Variants in ADK observed in about 807,000 individuals in gnomAD.
ADK encodes the protein adenosine kinase.
ADK carries 24 observed loss-of-function variants against 44.7 expected under a neutral mutation model. The ratio of observed to expected loss-of-function variants is 0.54; its 90% CI spans 0.39 to 0.76. The LOEUF (loss-of-function observed/expected upper bound fraction) is 0.76, where lower values mean the gene tolerates loss of function less well. Ranked by LOEUF, ADK falls within the 30% of genes least tolerant of loss-of-function variation. The pLI is 0.00. For missense variants in ADK, 321 were observed against 425.1 expected (o/e 0.76, Z 2.15); for synonymous variants, 128 against 142.6 (o/e 0.90, Z 0.73).
At chr10:74,592,984 T>C (rs567004046) in intron 8 of ADK, among the ~76,000 whole-genome samples, 1 of 152,212 alleles carries the variant, frequency 6.6e-6, no homozygotes, top group Non-Finnish European at 1.5e-5. Flanking sequence ...ATAGAACATA[T>C]GCATCATCAC....
chr10:74,519,989 A>G (rs1346860358), intron 6 of ADK, among the ~76,000 whole-genome samples: 2 of 151,878 alleles, frequency 1.3e-5, no homozygotes, highest in Non-Finnish European at 2.9e-5. Flanking sequence ...TTTGATATTT[A>G]CTTCTCTTTT....
intron 3 of ADK, among the ~76,000 whole-genome samples, chr10:74,278,386 A>C (rs1036897428): frequency 5.8e-5 from 8 of 138,218 alleles, no homozygotes; most frequent in Admixed American, 5.7e-4. Flanking sequence ...AAAAAAAAAA[A>C]CAACCCTAAA....
chr10:74,583,073 A>G (rs1222923438), intron 7 of ADK, among the ~76,000 whole-genome samples: 1 of 152,244 alleles, frequency 6.6e-6, no homozygotes, highest in African/African-American at 2.4e-5. Context: ...AAGAAAGTAT[A>G]TAAATGGTTT....
intron 3 of ADK, among the ~76,000 whole-genome samples, chr10:74,237,755 A>G (rs569347071): frequency 1.3e-5 from 2 of 152,278 alleles, no homozygotes; most frequent in South Asian, 4.1e-4. Context: ...CTCCTTATAC[A>G]TCTCCATCAG....
intron 6 of ADK, among the ~76,000 whole-genome samples, chr10:74,401,776 T>C (rs1843724059): frequency 6.6e-6 from 1 of 152,232 alleles, no homozygotes; most frequent in Non-Finnish European, 1.5e-5. Flanking sequence ...AAGTTGATCC[T>C]GTCATTATGA....
intron 6 of ADK, among the ~76,000 whole-genome samples, chr10:74,495,301 T>G (rs1847642834): frequency 6.6e-6 from 1 of 151,860 alleles, no homozygotes; most frequent in Non-Finnish European, 1.5e-5. Flanking sequence ...TTTTTTTTCC[T>G]TTTTTTTCTC....
At chr10:74,261,656 A>C (rs1224557543) in intron 3 of ADK, among the ~76,000 whole-genome samples, 1 of 152,192 alleles carries the variant, frequency 6.6e-6, no homozygotes, top group Non-Finnish European at 1.5e-5. Flanking sequence ...GATTGAAAAT[A>C]ATTATTCCTC....
chr10:74,570,718 A>G (rs996758354), intron 7 of ADK, among the ~76,000 whole-genome samples: 3 of 152,198 alleles, frequency 2.0e-5, no homozygotes, highest in East Asian at 1.9e-4. Flanking sequence ...TAGATATACA[A>G]TCATGTCATC....
At chr10:74,633,108 A>T (rs1352937555) in intron 9 of ADK, among the ~76,000 whole-genome samples, 2 of 152,032 alleles carry the variant, frequency 1.3e-5, no homozygotes, top group Admixed American at 1.3e-4. Context: ...TATATTGGGG[A>T]TGTTTTCTTC....
At chr10:74,518,150 C>A (rs1019615497) in intron 6 of ADK, among the ~76,000 whole-genome samples, 4 of 152,148 alleles carry the variant, frequency 2.6e-5, no homozygotes, top group African/African-American at 9.7e-5. Flanking sequence ...GTAATTTATT[C>A]ATTCTCTCAG....
chr10:74,700,281 C>T (rs966206301), intron 10 of ADK, among the ~76,000 whole-genome samples: 9 of 152,192 alleles, frequency 5.9e-5, no homozygotes, highest in African/African-American at 2.2e-4. Flanking sequence ...CTCGCTCTGT[C>T]ACCCAGGTTG....
intron 8 of ADK, among the ~76,000 whole-genome samples, chr10:74,594,565 A>G (rs1309783740): frequency 6.6e-6 from 1 of 152,086 alleles, no homozygotes; most frequent in Non-Finnish European, 1.5e-5. Flanking sequence ...ATCTGGAGTA[A>G]ATAATATGAT....
chr10:74,581,261 G>C (rs1470015345), intron 7 of ADK, among the ~76,000 whole-genome samples: 3 of 152,008 alleles, frequency 2.0e-5, no homozygotes, highest in African/African-American at 7.2e-5. Flanking sequence ...TGTAAAAAAA[G>C]ACCTAATTTC....
At chr10:74,473,169 T>TAC (rs1418885967) in intron 6 of ADK, among the ~76,000 whole-genome samples, 2 of 129,988 alleles carry the variant, frequency 1.5e-5, no homozygotes, top group South Asian at 5.0e-4. Context: ...TATATATATA[T>TAC]ACACACACAT....
At chr10:74,629,091 G>A (rs1316306567) in intron 9 of ADK, among the ~76,000 whole-genome samples, 1 of 151,994 alleles carries the variant, frequency 6.6e-6, no homozygotes, top group Admixed American at 6.6e-5. Context: ...GTAGAGTGGA[G>A]TGATCTTAGC....
intron 1 of ADK, among the ~76,000 whole-genome samples, chr10:74,173,736 G>T (rs1842236705): frequency 1.3e-5 from 2 of 152,178 alleles, no homozygotes; most frequent in South Asian, 4.2e-4. Context: ...GCTTTAATTT[G>T]AAAATTTTAA....
At chr10:74,561,247 C>G (rs1850446818) in intron 7 of ADK, among the ~76,000 whole-genome samples, 2 of 152,136 alleles carry the variant, frequency 1.3e-5, no homozygotes, top group African/African-American at 4.8e-5. Context: ...CTTATTCCAC[C>G]AGTTACTCCT....
At chr10:74,206,556 C>A (rs1460587556) in intron 2 of ADK, among the ~76,000 whole-genome samples, 1 of 152,136 alleles carries the variant, frequency 6.6e-6, no homozygotes, top group Non-Finnish European at 1.5e-5. Context: ...GAGTGCTCTT[C>A]CCCCCAGCCT....
intron 6 of ADK, among the ~76,000 whole-genome samples, chr10:74,503,842 T>A (rs1847958023): frequency 6.6e-6 from 1 of 152,124 alleles, no homozygotes; most frequent in East Asian, 1.9e-4. Context: ...GCACAGGCAA[T>A]TTTTTACTCG....
Sources: gnomAD v4.1 joint callset for allele counts (sites outside exome capture counted in the v4.1 genomes callset) on GRCh38, gnomAD v4.1.1 for gene constraint, MANE v1.5 for transcripts, NCBI Gene and HGNC (gene_info 2026-07-23, HGNC 2026-07-21) for gene names.